The following THSD7B variants were observed in gnomAD, a reference collection of about 807,000 sequenced individuals.
The protein encoded by THSD7B is thrombospondin type-1 domain-containing protein 7B.
Under a neutral mutation model 213.6 loss-of-function variants are expected in THSD7B, and 138 were observed. That is an observed-to-expected ratio of 0.65 (90% confidence interval 0.56 to 0.74). The LOEUF is 0.74. Among genes scored for constraint, THSD7B ranks in the 30% least tolerant of loss-of-function variants. THSD7B has a pLI of 0.00. For missense variants in THSD7B, 1,931 were observed against 1,991.5 expected (o/e 0.97, Z 0.58); for synonymous variants, 742 against 687.0 (o/e 1.08, Z -1.25).
In THSD7B at chr2:137,064,915, A is replaced by T. The variant is rs538005201; in HGVS notation, c.950+7685A>T. 4.0e-5 allele frequency among the ~76,000 whole-genome samples: 6 copies of T among 151,364 alleles called. No individual in the cohort carries two copies. The South Asian group carries it at 1.2e-3, about 31-fold the overall frequency. ...ACTGTTTTGTTTACTGTAGTTCTGT[A>T]GTATAACTTGAAGTCAGGTAATGTG... On this transcript the variant is annotated intron_variant, in intron 3 of 27. Coordinates refer to ENST00000409968, the MANE Select transcript of THSD7B (RefSeq NM_001316349.2).
At chr2:137,057,345 AG>A (rs1307454043) in intron 3 of THSD7B, 115 bp downstream of exon 3, 1 of 1,128,860 alleles carries the variant, frequency 8.9e-7, no homozygotes, top group Non-Finnish European at 1.2e-6. Context: ...TTTATAATTT[AG>A]GTTTTTAGAA....
At position 137,369,245 on chromosome 2, in the gene THSD7B, C is replaced by G. The variant is rs905608371; in HGVS notation, c.2501-36368C>G. The stretch of plus-strand genomic sequence containing the variant: ...TTACAGTTTTGGAAGGAAGCAGATG[C>G]CTCACAGTCGCTAATGAGTTTATCT... On this transcript the variant is annotated intron_variant, in intron 12 of 27. Transcript: ENST00000409968. Among the ~76,000 whole-genome samples, 7 of 152,034 alleles carry G rather than the reference C, an allele frequency of 4.6e-5. 1 individual carries two copies. The highest frequency in any genetic ancestry group is 1.7e-4 in the African/African-American group (7 of 41,480).
chr2:137,142,134 A>G (rs968856054), intron 5 of THSD7B, among the ~76,000 whole-genome samples: 1 of 152,194 alleles, frequency 6.6e-6, no homozygotes, highest in Non-Finnish European at 1.5e-5. Flanking sequence ...GCTATAACAG[A>G]ATATCACATA....
intron 17 of THSD7B, among the ~76,000 whole-genome samples, chr2:137,602,873 G>A (rs1337887602): frequency 1.3e-5 from 2 of 152,196 alleles, no homozygotes; most frequent in East Asian, 3.9e-4. Context: ...CTTTCAGTGG[G>A]GAGTTTCTCT....
At chr2:136,770,719 C>T (rs1251718400) in intron 1 of THSD7B, among the ~76,000 whole-genome samples, 13 of 152,104 alleles carry the variant, frequency 8.5e-5, no homozygotes, top group African/African-American at 2.4e-4. Flanking sequence ...TATTTGTACT[C>T]GTGACAAGAA....
intron 2 of THSD7B, among the ~76,000 whole-genome samples, chr2:137,024,809 A>G (rs531677547): frequency 6.6e-6 from 1 of 152,206 alleles, no homozygotes; most frequent in Non-Finnish European, 1.5e-5. Flanking sequence ...CCAAATATAT[A>G]ATTATCATTG....
chr2:137,486,422 C>G (rs1688444871), intron 15 of THSD7B, among the ~76,000 whole-genome samples: 1 of 151,308 alleles, frequency 6.6e-6, no homozygotes, highest in Admixed American at 6.6e-5. Context: ...GTAAAGGGAT[C>G]AATTCAACAA....
At chr2:137,238,534 C>CTTTTTTTTTTTTTTTTTT (rs869146863) in intron 9 of THSD7B, among the ~76,000 whole-genome samples, 1 of 51,874 alleles carries the variant, frequency 1.9e-5, no homozygotes, top group Non-Finnish European at 3.5e-5. Flanking sequence ...ACTCATCTTT[C>CTTTTTTTTTTTTTTTTTT]TTTTTTTTTT....
At chr2:136,978,811 A>C (rs901575210) in intron 2 of THSD7B, among the ~76,000 whole-genome samples, 1 of 151,130 alleles carries the variant, frequency 6.6e-6, no homozygotes, top group African/African-American at 2.4e-5. Context: ...TTATATGTGA[A>C]TTTGATCCTG....
At chr2:137,318,786 C>CTTTTTTTTTTTTTTT (rs70978212) in intron 12 of THSD7B, among the ~76,000 whole-genome samples, 1 of 73,660 alleles carries the variant, frequency 1.4e-5, no homozygotes. Context: ...GAATGCTTAT[C>CTTTTTTTTTTTTTTT]TTTTTTTTTT....
intron 5 of THSD7B, among the ~76,000 whole-genome samples, chr2:137,124,200 A>G (rs929580652): frequency 6.6e-5 from 10 of 152,204 alleles, no homozygotes; most frequent in African/African-American, 2.4e-4. Flanking sequence ...TCATTTTGTC[A>G]GCTGAACTGG....
intron 3 of THSD7B, among the ~76,000 whole-genome samples, chr2:137,066,189 CTTTT>C (rs70975797): frequency 1.7e-5 from 2 of 115,728 alleles, no homozygotes; most frequent in African/African-American, 7.4e-5. Flanking sequence ...TGAGTTTTCA[CTTTT>C]TTTTTTTTTT....
chr2:136,833,433 A>T (rs146958795), intron 1 of THSD7B, among the ~76,000 whole-genome samples: 79 of 112,020 alleles, frequency 7.1e-4, no homozygotes, highest in Admixed American at 1.4e-3. Flanking sequence ...ATTATTTTCT[A>T]TTTTTTTTTT....
At chr2:137,572,578 A>G in intron 17 of THSD7B, 22 bp downstream of exon 17, 4 of 1,612,798 alleles carry the variant, frequency 2.5e-6, no homozygotes, top group East Asian at 2.2e-5. Flanking sequence ...TTCTTTGTCA[A>G]TGCTCTGATA....
intron 7 of THSD7B, among the ~76,000 whole-genome samples, chr2:137,219,937 C>T (rs1049943730): frequency 2.6e-5 from 4 of 152,150 alleles, no homozygotes; most frequent in African/African-American, 9.7e-5. Context: ...CTTCAGTAAA[C>T]ATTCACTATG....
chr2:137,388,354 AAGG>A (rs1685941921), intron 12 of THSD7B, among the ~76,000 whole-genome samples: 1 of 152,030 alleles, frequency 6.6e-6, no homozygotes, highest in East Asian at 1.9e-4. Context: ...TAAAAAAAAA[AAGG>A]AGAGTGACCC....
intron 5 of THSD7B, among the ~76,000 whole-genome samples, chr2:137,143,118 G>A (rs1218798111): frequency 6.6e-6 from 1 of 152,058 alleles, no homozygotes; most frequent in African/African-American, 2.4e-5. Flanking sequence ...AACAGAGAAG[G>A]CATTGCATAA....
chr2:137,149,155 G>T (rs1459646149), intron 5 of THSD7B, among the ~76,000 whole-genome samples: 1 of 152,202 alleles, frequency 6.6e-6, no homozygotes, highest in Non-Finnish European at 1.5e-5. Flanking sequence ...GCTTCAGAGG[G>T]TGGAAGCTCC....
intron 7 of THSD7B, among the ~76,000 whole-genome samples, chr2:137,196,089 G>A (rs1251346014): frequency 1.3e-5 from 2 of 152,216 alleles, no homozygotes; most frequent in African/African-American, 2.4e-5. Flanking sequence ...GGGTGAAAAA[G>A]TGTGAAGGGC....
Sources: allele counts gnomAD v4.1 joint callset (sites outside exome capture counted in the v4.1 genomes callset), GRCh38; gene constraint gnomAD v4.1.1; transcripts MANE v1.5; gene names NCBI Gene and HGNC (gene_info 2026-07-23, HGNC 2026-07-21).